Variants in AMOTL1 observed in about 807,000 individuals in gnomAD.
AMOTL1 encodes angiomotin-like protein 1.
A neutral mutation model predicts 102.9 loss-of-function variants in AMOTL1; 45 were observed. The observed-to-expected ratio is 0.44, with a 90% CI of 0.34 to 0.56. AMOTL1 has a LOEUF of 0.56. Ranked by LOEUF, AMOTL1 falls within the 20% of genes least tolerant of loss-of-function variation. AMOTL1 has a pLI of 0.01. For synonymous variants in AMOTL1, 481 were observed against 484.7 expected (o/e 0.99, Z 0.10); for missense variants, 1,114 against 1,225.6 (o/e 0.91, Z 1.36).
intron 3 of AMOTL1, among the ~76,000 whole-genome samples, chr11:94,821,199 T>C (rs1239016378): frequency 2.6e-5 from 4 of 152,200 alleles, no homozygotes; most frequent in Non-Finnish European, 4.4e-5. Context: ...TCCCTGTCAC[T>C]TGGGGTCATT....
At chr11:94,796,291 GAC>G (rs1396551611) in intron 2 of AMOTL1, among the ~76,000 whole-genome samples, 2 of 152,304 alleles carry the variant, frequency 1.3e-5, no homozygotes, top group East Asian at 3.9e-4. Flanking sequence ...GGGTAAGGGT[GAC>G]AGGGAGAGCC....
chr11:94,864,615 C>T (rs545046151), intron 9 of AMOTL1, 120 bp from the exon 10 acceptor site: 49 of 1,368,212 alleles, frequency 3.6e-5, no homozygotes, highest in Non-Finnish European at 4.2e-5. Flanking sequence ...TGAGCCAATG[C>T]GAGATGCAGA....
At chr11:94,742,959 A>G (rs922989583) in intron 3 of AMOTL1, among the ~76,000 whole-genome samples, 2 of 152,198 alleles carry the variant, frequency 1.3e-5, no homozygotes, top group Non-Finnish European at 2.9e-5. Flanking sequence ...CACTTCCCAA[A>G]GGCCTCACCT....
chr11:94,872,089 G>A lies in AMOTL1; in HGVS notation c.*1294G>A, dbSNP rs1470416968. 2.0e-5 allele frequency: 3 copies of A among 152,086 alleles called. No homozygotes were observed. The highest frequency in any genetic ancestry group is 4.4e-5 in the Non-Finnish European group (3 of 68,044). The allele number at this position is 152,086 out of a possible 1,614,324, so 9.4% of individuals were successfully genotyped here. A position where few individuals can be genotyped will look rare whatever the true frequency, so the allele number is the denominator to read the frequency against. On this transcript the variant is annotated 3_prime_UTR_variant, in exon 13 of 13. Transcript: ENST00000433060. ...CCAGGCCAGTTGTATATACAGTGTT[G>A]TCAGGTTTTTCCGGGTTTCAGTTTT...
At chr11:94,741,418 T>C (rs1244477385) in intron 3 of AMOTL1, among the ~76,000 whole-genome samples, 1 of 151,706 alleles carries the variant, frequency 6.6e-6, no homozygotes, top group Non-Finnish European at 1.5e-5. Flanking sequence ...GTCGTGTGGG[T>C]CGTCCTTACC....
intron 1 of AMOTL1, among the ~76,000 whole-genome samples, chr11:94,719,308 C>T (rs1030852381): frequency 2.6e-5 from 4 of 151,836 alleles, no homozygotes; most frequent in Admixed American, 1.3e-4. Context: ...GTACTCAAAC[C>T]CCGACACTGT....
chr11:94,823,935 G>A lies in AMOTL1; in HGVS notation c.1413+2114G>A, dbSNP rs182771383. 1.5e-4 allele frequency among the ~76,000 whole-genome samples: 23 copies of A among 151,868 alleles called. No individual in the cohort carries two copies. In the East Asian group the frequency reaches 3.9e-3, roughly 26 times the overall value. On this transcript the variant is annotated intron_variant, in intron 4 of 12. Transcript: ENST00000433060. Reference sequence around the variant, plus strand: ...GGGGTTTCACCATGTTGGCCAGGATGGTTTTGATCTCCTGACCTCGTGATC... The same window carrying A: ...GGGGTTTCACCATGTTGGCCAGGATAGTTTTGATCTCCTGACCTCGTGATC...
intron 3 of AMOTL1, among the ~76,000 whole-genome samples, chr11:94,760,949 T>A (rs923550237): frequency 5.3e-5 from 8 of 151,964 alleles, no homozygotes; most frequent in African/African-American, 1.9e-4. Context: ...TTTATTTTTA[T>A]TTTTTGTAGG....
intron 2 of AMOTL1, among the ~76,000 whole-genome samples, chr11:94,798,935 A>G (rs1028122429): frequency 1.3e-5 from 2 of 152,304 alleles, no homozygotes; most frequent in South Asian, 4.1e-4. Context: ...AAGGGGAGAC[A>G]GCAAGTGTAG....
At chr11:94,777,720 T>G (rs1951045191) in intron 1 of AMOTL1, among the ~76,000 whole-genome samples, 1 of 152,228 alleles carries the variant, frequency 6.6e-6, no homozygotes, top group Admixed American at 6.5e-5. Flanking sequence ...ACTTTGAATA[T>G]TTTCAATTTC....
At chr11:94,790,055 G>A (rs1565352468) in intron 1 of AMOTL1, among the ~76,000 whole-genome samples, 1 of 152,092 alleles carries the variant, frequency 6.6e-6, no homozygotes, top group Admixed American at 6.6e-5. Context: ...GAGAGTAAGG[G>A]CCCCCTCATC....
chr11:94,738,688 T>C (rs1950472612), intron 2 of AMOTL1, among the ~76,000 whole-genome samples: 1 of 151,984 alleles, frequency 6.6e-6, no homozygotes, highest in Non-Finnish European at 1.5e-5. Context: ...TTTGAAGGTG[T>C]AAGTAAGAGA....
intron 1 of AMOTL1, among the ~76,000 whole-genome samples, chr11:94,723,750 T>C (rs1215226345): frequency 6.6e-6 from 1 of 151,562 alleles, no homozygotes; most frequent in African/African-American, 2.4e-5. Context: ...GTACTTTTAT[T>C]CATGTAAAAA....
intron 7 of AMOTL1, among the ~76,000 whole-genome samples, chr11:94,850,751 G>A (rs1320451647): frequency 2.0e-5 from 3 of 152,208 alleles, no homozygotes; most frequent in African/African-American, 7.2e-5. Context: ...ACACCTTCCA[G>A]CACCCTGTGG....
intron 1 of AMOTL1, among the ~76,000 whole-genome samples, chr11:94,785,577 G>C (rs11824118): frequency 0.04 from 6,041 of 152,198 alleles, 396 homozygotes; most frequent in African/African-American, 0.14. Context: ...ATTCATGAAC[G>C]CATATTGATT....
chr11:94,750,655 A>C (rs118009967), intron 3 of AMOTL1, among the ~76,000 whole-genome samples: 1 of 152,158 alleles, frequency 6.6e-6, no homozygotes, highest in South Asian at 2.1e-4. Context: ...TTAGAAGCCT[A>C]TGTATCCTGC....
At chr11:94,814,656 CAAAG>C (rs780828952) in intron 3 of AMOTL1, among the ~76,000 whole-genome samples, 1 of 152,114 alleles carries the variant, frequency 6.6e-6, no homozygotes, top group African/African-American at 2.4e-5. Flanking sequence ...AATGGGGACA[CAAAG>C]AAAAGGGGAA....
chr11:94,730,977 G>A (rs1177396706), intron 2 of AMOTL1, among the ~76,000 whole-genome samples: 1 of 152,158 alleles, frequency 6.6e-6, no homozygotes, highest in Non-Finnish European at 1.5e-5. Flanking sequence ...AGAAGCCTTA[G>A]GGATCACTGT....
At chr11:94,739,660 C>T (rs1950488629) in intron 2 of AMOTL1, among the ~76,000 whole-genome samples, 1 of 152,158 alleles carries the variant, frequency 6.6e-6, no homozygotes, top group South Asian at 2.1e-4. Context: ...TCCAATAGTC[C>T]TCCAAGGATG....
Sources: gnomAD v4.1 joint callset for allele counts (sites outside exome capture counted in the v4.1 genomes callset) on GRCh38, gnomAD v4.1.1 for gene constraint, MANE v1.5 for transcripts, NCBI Gene and HGNC (gene_info 2026-07-23, HGNC 2026-07-21) for gene names.